The following SLX4IP variants were observed in gnomAD, a reference collection of about 807,000 sequenced individuals.
The protein encoded by SLX4IP is protein SLX4IP.
In SLX4IP, 34 loss-of-function variants were observed where a neutral mutation model predicts 32.9. That is an observed-to-expected ratio of 1.03 (90% CI 0.79 to 1.38). The LOEUF (loss-of-function observed/expected upper bound fraction) is 1.38. SLX4IP is among the 40% of genes most tolerant of loss of function. The probability of loss-of-function intolerance (pLI) is 0.00; values close to 1 mark genes in which losing one functional copy is unlikely to be tolerated. For synonymous variants in SLX4IP, 172 were observed against 171.7 expected (o/e 1.00, Z -0.01); for missense variants, 444 against 479.0 (o/e 0.93, Z 0.68).
intron 2 of SLX4IP, among the ~76,000 whole-genome samples, chr20:10,520,615 T>C (rs541801469): frequency 2.0e-5 from 3 of 152,356 alleles, no homozygotes; most frequent in African/African-American, 4.8e-5. Context: ...TTCACACTTA[T>C]GTTTTCTTCT....
At chr20:10,595,296 G>A (rs2066756377) in intron 4 of SLX4IP, among the ~76,000 whole-genome samples, 1 of 152,120 alleles carries the variant, frequency 6.6e-6, no homozygotes, top group Admixed American at 6.5e-5. Flanking sequence ...AGATTTAGGA[G>A]CACCACAGTC....
At chr20:10,584,162 A>G (rs147276917) in intron 4 of SLX4IP, among the ~76,000 whole-genome samples, 111 of 152,346 alleles carry the variant, frequency 7.3e-4, no homozygotes, top group Middle Eastern at 3.4e-3. Context: ...ATCAGCAGGT[A>G]GTTAAAACAA....
chr20:10,481,943 C>T (rs577278350), intron 2 of SLX4IP, among the ~76,000 whole-genome samples: 306 of 152,316 alleles, frequency 2.0e-3, no homozygotes, highest in African/African-American at 7.0e-3. Flanking sequence ...TCACAACATG[C>T]GGCTGGCTTT....
chr20:10,613,008 T>G (rs1382937225), intron 6 of SLX4IP: 35 of 204,190 alleles, frequency 1.7e-4, no homozygotes, highest in Non-Finnish European at 5.0e-5. Flanking sequence ...AAATGTAAAC[T>G]GGGAAGTATG....
At chr20:10,589,311 A>G (rs2122535277) in intron 4 of SLX4IP, among the ~76,000 whole-genome samples, 1 of 152,334 alleles carries the variant, frequency 6.6e-6, no homozygotes, top group East Asian at 1.9e-4. Context: ...ATTTTCTCCA[A>G]ATTGATCTAT....
At chr20:10,559,184 C>G (rs1287280460) in intron 3 of SLX4IP, among the ~76,000 whole-genome samples, 1 of 151,294 alleles carries the variant, frequency 6.6e-6, no homozygotes, top group Non-Finnish European at 1.5e-5. Flanking sequence ...TGAACAATGC[C>G]GAAACACTCA....
intron 2 of SLX4IP, among the ~76,000 whole-genome samples, chr20:10,551,444 T>A (rs1410279888): frequency 1.3e-5 from 2 of 152,240 alleles, no homozygotes; most frequent in African/African-American, 4.8e-5. Flanking sequence ...AGGCTGTGAT[T>A]TGCCCAATTC....
intron 2 of SLX4IP, among the ~76,000 whole-genome samples, chr20:10,465,331 G>A (rs1001340858): frequency 6.6e-6 from 1 of 152,056 alleles, no homozygotes; most frequent in Admixed American, 6.6e-5. Flanking sequence ...ATGTTTTACC[G>A]GAATCCAGCC....
chr20:10,518,203 AG>A (rs1370089062), intron 2 of SLX4IP, among the ~76,000 whole-genome samples: 1 of 152,206 alleles, frequency 6.6e-6, no homozygotes, highest in Non-Finnish European at 1.5e-5. Context: ...TGTTTAGAAA[AG>A]TTAATGTTCT....
At chr20:10,543,033 G>A (rs971845025) in intron 2 of SLX4IP, among the ~76,000 whole-genome samples, 4 of 152,152 alleles carry the variant, frequency 2.6e-5, no homozygotes, top group African/African-American at 9.7e-5. Context: ...CTGTGGTTAT[G>A]GCTGTTTAAC....
intron 1 of SLX4IP, among the ~76,000 whole-genome samples, chr20:10,450,915 G>C (rs4340600): frequency 0.49 from 74,416 of 151,468 alleles, 19,714 homozygotes; most frequent in Non-Finnish European, 0.6. Flanking sequence ...CTACGCCCGG[G>C]TAATTTTTTT....
At chr20:10,614,137 C>T (rs1362672449) in intron 6 of SLX4IP, 8 of 1,301,598 alleles carry the variant, frequency 6.1e-6, no homozygotes, top group Admixed American at 4.0e-5. Flanking sequence ...ACCTCGCCAT[C>T]GGAGGCCTCG....
At chr20:10,492,540 G>C (rs1031161774) in intron 2 of SLX4IP, among the ~76,000 whole-genome samples, 1 of 152,086 alleles carries the variant, frequency 6.6e-6, no homozygotes, top group Non-Finnish European at 1.5e-5. Flanking sequence ...TGACATAACT[G>C]CTATCTATAT....
At chr20:10,495,951 A>C (rs1272615110) in intron 2 of SLX4IP, among the ~76,000 whole-genome samples, 1 of 151,598 alleles carries the variant, frequency 6.6e-6, no homozygotes, top group Admixed American at 6.6e-5. Flanking sequence ...AAATTTTTAA[A>C]GACATTTGCT....
intron 4 of SLX4IP, among the ~76,000 whole-genome samples, chr20:10,562,562 A>T (rs1276952930): frequency 6.6e-6 from 1 of 152,014 alleles, no homozygotes; most frequent in Non-Finnish European, 1.5e-5. Flanking sequence ...GTGGTAGGCC[A>T]TGGTGTTCTT....
chr20:10,577,384 G>C (rs2066534693), intron 4 of SLX4IP, among the ~76,000 whole-genome samples: 1 of 151,954 alleles, frequency 6.6e-6, no homozygotes, highest in South Asian at 2.1e-4. Flanking sequence ...AGTAAACTTA[G>C]GAAGGCTGTA....
intron 5 of SLX4IP, among the ~76,000 whole-genome samples, chr20:10,599,072 G>A (rs1250423259): frequency 6.6e-6 from 1 of 152,118 alleles, no homozygotes; most frequent in East Asian, 1.9e-4. Flanking sequence ...CTGGCATATG[G>A]AGCAGGTGTG....
intron 2 of SLX4IP, among the ~76,000 whole-genome samples, chr20:10,507,000 A>G (rs659785): frequency 0.55 from 83,057 of 152,146 alleles, 23,261 homozygotes; most frequent in South Asian, 0.72. Flanking sequence ...TAACACCTTC[A>G]TCACCTCACA....
chr20:10,585,573 TTTTCTTTC>T (rs528144254), intron 4 of SLX4IP, among the ~76,000 whole-genome samples: 3 of 151,704 alleles, frequency 2.0e-5, no homozygotes, highest in Non-Finnish European at 4.4e-5. Flanking sequence ...CTTTCCTTTT[TTTTCTTTC>T]TTTCTTTCTT....
Sources: gnomAD v4.1 joint callset for allele counts (sites outside exome capture counted in the v4.1 genomes callset) on GRCh38, gnomAD v4.1.1 for gene constraint, MANE v1.5 for transcripts, NCBI Gene and HGNC (gene_info 2026-07-23, HGNC 2026-07-21) for gene names.